Variants in MYO1D observed in about 807,000 individuals in gnomAD.
MYO1D encodes myosin ID, also known as unconventional myosin-Id.
Under a neutral mutation model 122.0 loss-of-function variants are expected in MYO1D, and 83 were observed. That is an observed-to-expected ratio of 0.68 (90% CI 0.57 to 0.82). MYO1D has a LOEUF of 0.82. Ranked by LOEUF, MYO1D falls within the 40% of genes least tolerant of loss-of-function variation. The pLI is 0.00. For synonymous variants in MYO1D, 464 were observed against 446.9 expected (o/e 1.04, Z -0.48); for missense variants, 1,157 against 1,269.5 (o/e 0.91, Z 1.35).
chr17:32,633,662 G>A (rs1724093221), intron 20 of MYO1D, among the ~76,000 whole-genome samples: 1 of 151,398 alleles, frequency 6.6e-6, no homozygotes, highest in Admixed American at 6.6e-5. Context: ...CCCCCCACCA[G>A]ATCAAGCTAT....
At chr17:32,616,040 A>G (rs1390088850) in intron 20 of MYO1D, among the ~76,000 whole-genome samples, 1 of 152,222 alleles carries the variant, frequency 6.6e-6, no homozygotes. Context: ...TTGCAAACAC[A>G]GATGGTCAGT....
At chr17:32,795,557 A>C (rs2090406393) in intron 1 of MYO1D, among the ~76,000 whole-genome samples, 1 of 152,196 alleles carries the variant, frequency 6.6e-6, no homozygotes, top group Admixed American at 6.5e-5. Context: ...TTTTTAAAAA[A>C]TACAATAAAG....
intron 20 of MYO1D, among the ~76,000 whole-genome samples, chr17:32,611,561 A>G (rs321167): frequency 0.64 from 97,007 of 152,184 alleles, 31,522 homozygotes; most frequent in African/African-American, 0.73. Context: ...AAACTTGGCC[A>G]AGTGTGGTGG....
chr17:32,854,591 A>G (rs1160173447), intron 1 of MYO1D, among the ~76,000 whole-genome samples: 1 of 152,252 alleles, frequency 6.6e-6, no homozygotes, highest in African/African-American at 2.4e-5. Flanking sequence ...ATTTAATTTT[A>G]TTTAACAAGC....
intron 1 of MYO1D, among the ~76,000 whole-genome samples, chr17:32,845,328 T>A (rs942813880): frequency 6.6e-6 from 1 of 152,184 alleles, no homozygotes; most frequent in Non-Finnish European, 1.5e-5. Flanking sequence ...GGTTTACCCC[T>A]GCCTAAAGAA....
intron 16 of MYO1D, among the ~76,000 whole-genome samples, chr17:32,698,316 T>TGCCCAGCCCATAAGCCA (rs2089200719): frequency 1.2e-5 from 1 of 80,592 alleles, no homozygotes; most frequent in Non-Finnish European, 2.2e-5. Flanking sequence ...CCCCCTTCCC[T>TGCCCAGCCCATAAGCCA]CCTTCCTTCC....
intron 17 of MYO1D, among the ~76,000 whole-genome samples, chr17:32,655,615 G>A (rs1313294871): frequency 6.6e-6 from 1 of 152,192 alleles, no homozygotes; most frequent in Non-Finnish European, 1.5e-5. Context: ...GCTCCGGGAT[G>A]TGAGCTTGCT....
chr17:32,875,778 T>C (rs1472459507), intron 1 of MYO1D, among the ~76,000 whole-genome samples: 1 of 152,202 alleles, frequency 6.6e-6, no homozygotes, highest in African/African-American at 2.4e-5. Flanking sequence ...ACTTTCACTT[T>C]ATAAGCTTAA....
At chr17:32,773,544 ACCCCGG>A (rs2090143674) in intron 4 of MYO1D, among the ~76,000 whole-genome samples, 1 of 21,914 alleles carries the variant, frequency 4.6e-5, no homozygotes, top group African/African-American at 1.8e-4. Context: ...CCACCCCCCG[ACCCCGG>A]CCCATGTCTC....
chr17:32,682,380 C>T (rs376349480), intron 16 of MYO1D, among the ~76,000 whole-genome samples: 3,943 of 146,672 alleles, frequency 0.027, 86 homozygotes, highest in East Asian at 0.17. Context: ...GATTTTGCAG[C>T]GGCTGGTACC....
In MYO1D at chr17:32,821,534, T is replaced by TCACACA. The variant is rs575314294; in HGVS notation, c.96-40756_96-40751dup. Reference sequence around the variant, plus strand: ...CCTTTGTCAGCTGAAGATAAGTAAATCACACATACACACACACACACACAC... The same window carrying TCACACA: ...CCTTTGTCAGCTGAAGATAAGTAAATCACACACACACATACACACACACACACACAC... On this transcript the variant is annotated intron_variant, in intron 1 of 21. Transcript: ENST00000318217. Among the ~76,000 whole-genome samples, 991 of 143,142 alleles carry TCACACA rather than the reference T, an allele frequency of 6.9e-3. 17 individuals are homozygous for TCACACA. Among genetic ancestry groups the TCACACA allele is most frequent in the African/African-American group, 0.022 (881 of 39,714 alleles). 93.9% of individuals were successfully genotyped at this position (143,142 alleles called of 152,430 possible).
At chr17:32,839,534 T>C (rs1351213311) in intron 1 of MYO1D, among the ~76,000 whole-genome samples, 1 of 152,174 alleles carries the variant, frequency 6.6e-6, no homozygotes, top group Non-Finnish European at 1.5e-5. Flanking sequence ...AGTAAGGCTG[T>C]GAACCTGGAA....
chr17:32,688,648 G>A (rs545985798), intron 16 of MYO1D, among the ~76,000 whole-genome samples: 2 of 152,300 alleles, frequency 1.3e-5, no homozygotes, highest in Non-Finnish European at 1.5e-5. Flanking sequence ...AAACAATGTC[G>A]TGCTATGGCA....
At chr17:32,736,529 A>G (rs1042940284) in intron 14 of MYO1D, among the ~76,000 whole-genome samples, 1 of 152,226 alleles carries the variant, frequency 6.6e-6, no homozygotes, top group African/African-American at 2.4e-5. Context: ...CAGTCCTGGG[A>G]TGCCTTCTTC....
At chr17:32,524,730 T>A (rs1413833323) in intron 21 of MYO1D, among the ~76,000 whole-genome samples, 1 of 152,030 alleles carries the variant, frequency 6.6e-6, no homozygotes, top group Non-Finnish European at 1.5e-5. Context: ...GCCTGGCTGA[T>A]TTTTGTATTT....
In MYO1D at chr17:32,543,645, G is replaced by A. The variant is rs1017492166; in HGVS notation, c.2865-48730C>T. Among the ~76,000 whole-genome samples, 5 of 152,138 alleles carry A rather than the reference G, an allele frequency of 3.3e-5. No individual in the cohort carries two copies. In the East Asian group the frequency reaches 9.6e-4, roughly 29 times the overall value. ...AATAAATAAATAAAATGTGAGGGCT[G>A]CCATGCTGTACTACTCCAGGGTGCC... On this transcript the variant is annotated intron_variant, in intron 21 of 21. Transcript: ENST00000318217.
intron 8 of MYO1D, among the ~76,000 whole-genome samples, chr17:32,761,542 T>A (rs1567628472): frequency 6.6e-6 from 1 of 152,132 alleles, no homozygotes; most frequent in Non-Finnish European, 1.5e-5. Flanking sequence ...TTTGGTAGAG[T>A]CTCCTCTTCT....
At chr17:32,566,844 T>TTTTTTTTTTTTTTTGAG (rs1555626483) in intron 21 of MYO1D, among the ~76,000 whole-genome samples, 1 of 147,020 alleles carries the variant, frequency 6.8e-6, no homozygotes, top group African/African-American at 2.5e-5. Context: ...AGCTTCTTTT[T>TTTTTTTTTTTTTTTGAG]AACCAAATCA....
chr17:32,851,233 T>A (rs1338800890), intron 1 of MYO1D, among the ~76,000 whole-genome samples: 1 of 152,082 alleles, frequency 6.6e-6, no homozygotes, highest in Non-Finnish European at 1.5e-5. Context: ...CAAAATAAAA[T>A]CCAATAGACA....
Sources: allele counts gnomAD v4.1 joint callset (sites outside exome capture counted in the v4.1 genomes callset), GRCh38; gene constraint gnomAD v4.1.1; transcripts MANE v1.5; gene names NCBI Gene and HGNC (gene_info 2026-07-23, HGNC 2026-07-21).